NETO2: variants seen among roughly 807,000 people sequenced by gnomAD.
The protein encoded by NETO2 is neuropilin and tolloid like 2.
Under a neutral mutation model 62.5 loss-of-function variants are expected in NETO2, and 28 were observed. The ratio of observed to expected loss-of-function variants is 0.45; its 90% CI spans 0.33 to 0.61. The LOEUF (loss-of-function observed/expected upper bound fraction) is 0.61, where lower values mean the gene tolerates loss of function less well. Ranked by LOEUF, NETO2 falls within the 20% of genes least tolerant of loss-of-function variation. The probability of loss-of-function intolerance (pLI) is 0.02; values close to 1 mark genes in which losing one functional copy is unlikely to be tolerated. For synonymous variants in NETO2, 214 were observed against 219.1 expected (o/e 0.98, Z 0.21); for missense variants, 548 against 643.2 (o/e 0.85, Z 1.60).
intron 1 of NETO2, among the ~76,000 whole-genome samples, chr16:47,140,122 G>T (rs751472990): frequency 2.0e-5 from 3 of 152,178 alleles, no homozygotes; most frequent in Non-Finnish European, 4.4e-5. Context: ...GGTGTTTGAG[G>T]TGACTGAGAG....
At chr16:47,143,400 C>G (rs1265913053) in intron 1 of NETO2, among the ~76,000 whole-genome samples, 179 bp downstream of exon 1, 1 of 151,890 alleles carries the variant, frequency 6.6e-6, no homozygotes, top group Non-Finnish European at 1.5e-5. Flanking sequence ...GCCCGGAGAG[C>G]CGGCGGAGCC....
At chr16:47,108,040 T>G (rs999456965) in intron 7 of NETO2, among the ~76,000 whole-genome samples, 3 of 152,090 alleles carry the variant, frequency 2.0e-5, no homozygotes, top group Non-Finnish European at 2.9e-5. Context: ...CCTCCCAAAG[T>G]GCTGGGATTA....
rs557680118 is a variant in NETO2 at position 47,130,855 on chromosome 16, C to T, written c.91+1114G>A. Among the ~76,000 whole-genome samples the T allele has an allele frequency of 3.3e-5, 5 of 152,174 alleles. No homozygotes were observed. The East Asian group carries it at 5.8e-4, about 18-fold the overall frequency. On this transcript the variant is annotated intron_variant, in intron 2 of 8. Coordinates refer to ENST00000562435, the MANE Select transcript of NETO2 (RefSeq NM_018092.5). ...GCTTCAGAGACTGTAGGACCTACAG[C>T]GCCTTAAACACTTACGATCTGACCC...
rs1202232180 is a variant in NETO2 at position 47,081,875 on chromosome 16, C to G, written c.*1346G>C. The G allele has an allele frequency of 6.6e-6, 1 of 152,436 alleles. No homozygotes were observed. The highest frequency in any genetic ancestry group is 1.5e-5 in the Non-Finnish European group (1 of 67,992). The allele number at this position is 152,436 out of a possible 1,614,324, so 9.4% of individuals were successfully genotyped here. A position where few individuals can be genotyped will look rare whatever the true frequency, so the allele number is the denominator to read the frequency against. ...CACACAGTGAAAAATTTATCACAAA[C>G]TAAATACAGTAACAAAAGGAAAGAA... On this transcript the variant is annotated 3_prime_UTR_variant, in exon 9 of 9. Transcript: ENST00000562435.
At position 47,122,792 on chromosome 16, in the gene NETO2, G is replaced by A. The variant is rs774519524; in HGVS notation, c.527-8C>T. 8 of 1,613,836 alleles carry A rather than the reference G, an allele frequency of 5.0e-6. No individual in the cohort carries two copies. The highest frequency in any genetic ancestry group is 5.9e-6 in the Non-Finnish European group (7 of 1,180,002). On this transcript the variant is annotated splice_region_variant and splice_polypyrimidine_tract_variant and intron_variant, in intron 5 of 8. Transcript: ENST00000562435. The stretch of plus-strand genomic sequence containing the variant: ...AGAGCTCGAACTGACAATCTGGAAG[G>A]AATACATGAAAGGTGTTCAAAGGAA...
intron 2 of NETO2, 65 bp from the exon 3 acceptor site, chr16:47,129,429 C>T (rs1027130513): frequency 7.8e-6 from 12 of 1,533,690 alleles, no homozygotes; most frequent in Non-Finnish European, 1.1e-5. Flanking sequence ...CTCTTTCCCC[C>T]ACCACTTTCC....
At chr16:47,110,804 TC>T (rs569199656) in intron 6 of NETO2, among the ~76,000 whole-genome samples, 12 of 149,820 alleles carry the variant, frequency 8.0e-5, no homozygotes, top group Admixed American at 2.0e-4. Context: ...TGTCATATAT[TC>T]CCCCCCCACC....
Position 47,083,128 on chromosome 16 carries a change from T to C in NETO2, c.*93A>G. On this transcript the variant is annotated 3_prime_UTR_variant, in exon 9 of 9. Coordinates refer to ENST00000562435, the MANE Select transcript of NETO2 (RefSeq NM_018092.5). ...TAAATCAAGGTCTTCGTAGTTGTGA[T>C]GGGAGAAAAGGGTTGGCTGCTGGAA... 1 of 1,109,824 alleles carries C rather than the reference T, an allele frequency of 9.0e-7. No homozygotes were observed. Among genetic ancestry groups the C allele is most frequent in the East Asian group, 2.4e-5 (1 of 42,136 alleles). 68.7% of individuals were successfully genotyped at this position (1,109,824 alleles called of 1,614,324 possible). A position where few individuals can be genotyped will look rare whatever the true frequency, so the allele number is the denominator to read the frequency against.
At chr16:47,104,263 A>G (rs983706745) in intron 7 of NETO2, among the ~76,000 whole-genome samples, 1 of 152,262 alleles carries the variant, frequency 6.6e-6, no homozygotes, top group Non-Finnish European at 1.5e-5. Flanking sequence ...AAGGAAATTA[A>G]GAAAATAATT....
intron 6 of NETO2, 38 bp downstream of exon 6, chr16:47,122,616 CATG>C (rs1173342137): frequency 6.3e-7 from 1 of 1,594,966 alleles, no homozygotes; most frequent in Non-Finnish European, 8.5e-7. Context: ...CATGCCTTAT[CATG>C]ATGTTCTTCT....
At position 47,083,124 on chromosome 16, in the gene NETO2, G is replaced by T; in HGVS notation, c.*97C>A. 1.9e-6 allele frequency: 2 copies of T among 1,066,084 alleles called. No individual in the cohort carries two copies. Among genetic ancestry groups the T allele is most frequent in the South Asian group, 3.1e-5 (2 of 64,084 alleles). The allele number at this position is 1,066,084 out of a possible 1,614,324, so 66.0% of individuals were successfully genotyped here. The stretch of plus-strand genomic sequence containing the variant: ...ACGGTAAATCAAGGTCTTCGTAGTT[G>T]TGATGGGAGAAAAGGGTTGGCTGCT... On this transcript the variant is annotated 3_prime_UTR_variant, in exon 9 of 9. Transcript: ENST00000562435.
chr16:47,120,220 T>C (rs1460970362), intron 6 of NETO2, among the ~76,000 whole-genome samples: 1 of 152,210 alleles, frequency 6.6e-6, no homozygotes, highest in Non-Finnish European at 1.5e-5. Flanking sequence ...AGCTCTTTTT[T>C]GACATTTGTC....
intron 7 of NETO2, among the ~76,000 whole-genome samples, chr16:47,094,665 A>T (rs1963391879): frequency 6.6e-6 from 1 of 151,372 alleles, no homozygotes; most frequent in Non-Finnish European, 1.5e-5. Flanking sequence ...TGACCTCATG[A>T]TCTGCCCGCC....
In NETO2 at chr16:47,083,705, G is replaced by C; in HGVS notation, c.1094C>G (p.Ser365Cys). 6.2e-7 allele frequency: 1 copy of C among 1,614,110 alleles called. No homozygotes were observed. Among genetic ancestry groups the C allele is most frequent in the South Asian group, 1.1e-5 (1 of 91,078 alleles). The change falls in exon 9 of 9, where the codon TCT becomes TGT. Residue 365 changes from serine to cysteine, a missense_variant. Physicochemically the swap from Ser to Cys is moderately radical, Grantham distance 112 (BLOSUM62 -1). Transcript: ENST00000562435. ...SGIVLVLLIISILVQVKQPRK... is the reference protein window; with the variant it reads ...SGIVLVLLIICILVQVKQPRK... The stretch of plus-strand genomic sequence containing the variant: ...AGGCTGTTTCACTTGTACTAAAATA[G>C]AAATAATGAGAAGGACCAAGACAAT...
intron 7 of NETO2, among the ~76,000 whole-genome samples, chr16:47,098,785 C>T (rs982835546): frequency 7.2e-5 from 11 of 152,144 alleles, no homozygotes; most frequent in African/African-American, 2.2e-4. Flanking sequence ...AGAGAAAGGT[C>T]GGGTTACCCA....
rs556176861 is a variant in NETO2, at chr16:47,080,963, T to C, written c.*2258A>G. ...TTCAGAACCAAACTTACTGTCTAAA[T>C]GTTACTTGCTACATTGACTCGTATA... On this transcript the variant is annotated 3_prime_UTR_variant, in exon 9 of 9. Transcript: ENST00000562435. 2.8e-4 allele frequency: 42 copies of C among 152,184 alleles called. No individual in the cohort carries two copies. The highest frequency in any genetic ancestry group is 9.2e-4 in the African/African-American group (38 of 41,452). 9.4% of individuals were successfully genotyped at this position (152,184 alleles called of 1,614,324 possible).
intron 7 of NETO2, among the ~76,000 whole-genome samples, chr16:47,106,221 A>T (rs968681711): frequency 2.0e-5 from 3 of 152,212 alleles, no homozygotes; most frequent in African/African-American, 7.2e-5. Context: ...GACAAATATT[A>T]TATGATTCTA....
chr16:47,112,752 T>C (rs967175702), intron 6 of NETO2, among the ~76,000 whole-genome samples: 2 of 152,236 alleles, frequency 1.3e-5, no homozygotes, highest in Non-Finnish European at 2.9e-5. Context: ...TTTACTTTTA[T>C]TAAAAGCAAT....
rs1430699018 is a variant in NETO2, at chr16:47,109,727, A to G, written c.655-16T>C. ...TCAAATAAATCTGTAATATTAACAC[A>G]AAAACACTGCTTTTAAAAAGATATA... On this transcript the variant is annotated splice_polypyrimidine_tract_variant and intron_variant, in intron 6 of 8. Transcript: ENST00000562435. The G allele has an allele frequency of 1.3e-6, 2 of 1,515,060 alleles. No homozygotes were observed. Among genetic ancestry groups the G allele is most frequent in the Non-Finnish European group, 9.2e-7 (1 of 1,092,298 alleles). The allele number at this position is 1,515,060 out of a possible 1,614,324, so 93.9% of individuals were successfully genotyped here.
Sources: gnomAD v4.1 joint callset for allele counts (sites outside exome capture counted in the v4.1 genomes callset) on GRCh38, gnomAD v4.1.1 for gene constraint, MANE v1.5 for transcripts, NCBI Gene and HGNC (gene_info 2026-07-23, HGNC 2026-07-21) for gene names.